CCNY: variants seen among roughly 807,000 people sequenced by gnomAD.
The protein encoded by CCNY is cyclin Y, also known as cyclin-Y.
In CCNY, 19 loss-of-function variants were observed where a neutral mutation model predicts 42.8. The observed-to-expected ratio is 0.44, with a 90% CI of 0.31 to 0.65. CCNY has a LOEUF of 0.65. CCNY is among the 30% of genes least tolerant of loss of function. CCNY has a pLI of 0.07. For missense variants in CCNY, 370 were observed against 437.3 expected (o/e 0.85, Z 1.37); for synonymous variants, 165 against 162.7 (o/e 1.01, Z -0.11).
At chr10:35,438,784 C>G (rs527243239) in intron 1 of CCNY, among the ~76,000 whole-genome samples, 3 of 152,240 alleles carry the variant, frequency 2.0e-5, no homozygotes, top group Non-Finnish European at 4.4e-5. Context: ...CCTGATGTTC[C>G]AAGGTTGATT....
intron 1 of CCNY, among the ~76,000 whole-genome samples, chr10:35,393,321 C>T (rs1837454974): frequency 1.3e-5 from 2 of 152,138 alleles, no homozygotes; most frequent in African/African-American, 4.8e-5. Flanking sequence ...GCTGTCCGGG[C>T]TTTTTGTTGT....
At chr10:35,484,532 G>T (rs2135369035) in intron 2 of CCNY, among the ~76,000 whole-genome samples, 1 of 152,100 alleles carries the variant, frequency 6.6e-6, no homozygotes, top group South Asian at 2.1e-4. Flanking sequence ...TTCAGTTTTT[G>T]CCATTAAAAG....
intron 5 of CCNY, 51 bp from the exon 6 acceptor site, chr10:35,529,922 A>G (rs773626787): frequency 6.8e-7 from 1 of 1,477,020 alleles, no homozygotes; most frequent in Non-Finnish European, 9.4e-7. Context: ...TTTTATTTGA[A>G]TGACATTCTT....
At chr10:35,503,226 A>G (rs534632682) in intron 3 of CCNY, among the ~76,000 whole-genome samples, 9 of 152,338 alleles carry the variant, frequency 5.9e-5, no homozygotes, top group Middle Eastern at 3.4e-3. Flanking sequence ...TCTCATGCAC[A>G]GTATCTTCTA....
intron 1 of CCNY, among the ~76,000 whole-genome samples, chr10:35,355,338 A>C (rs1214226662): frequency 6.6e-6 from 1 of 152,178 alleles, no homozygotes; most frequent in Non-Finnish European, 1.5e-5. Flanking sequence ...AAATGAATTA[A>C]TTTGGGTAAA....
intron 1 of CCNY, among the ~76,000 whole-genome samples, chr10:35,474,815 G>A (rs1185772039): frequency 6.6e-6 from 1 of 152,268 alleles, no homozygotes; most frequent in Non-Finnish European, 1.5e-5. Context: ...TTGACGAGCT[G>A]AGAGAAGAAG....
At chr10:35,431,695 T>C (rs1446116868) in intron 1 of CCNY, among the ~76,000 whole-genome samples, 3 of 152,078 alleles carry the variant, frequency 2.0e-5, no homozygotes, top group Non-Finnish European at 4.4e-5. Context: ...AGTAAAGCCA[T>C]GCTCGTTTTG....
At chr10:35,407,962 C>T (rs113207433) in intron 1 of CCNY, among the ~76,000 whole-genome samples, 10,030 of 152,176 alleles carry the variant, frequency 0.066, 527 homozygotes, top group African/African-American at 0.15. Context: ...TCTGCCTTCC[C>T]GAGTCCGTGA....
chr10:35,432,205 C>G (rs1838428523), intron 1 of CCNY, among the ~76,000 whole-genome samples: 1 of 152,170 alleles, frequency 6.6e-6, no homozygotes, highest in African/African-American at 2.4e-5. Context: ...GGCTCCGTGA[C>G]TTGCTGTTCT....
intron 3 of CCNY, 134 bp from the exon 4 acceptor site, chr10:35,516,389 G>A (rs1227049651): frequency 4.4e-6 from 3 of 682,488 alleles, no homozygotes; most frequent in Non-Finnish European, 7.8e-6. Flanking sequence ...TACTGTTCTT[G>A]GTGGTAATGT....
At chr10:35,453,216 T>A (rs116302330) in intron 1 of CCNY, among the ~76,000 whole-genome samples, 3 of 152,220 alleles carry the variant, frequency 2.0e-5, no homozygotes, top group Non-Finnish European at 4.4e-5. Flanking sequence ...GGATTACAGA[T>A]GTGAGCCATT....
Position 35,529,901 on chromosome 10 carries a change from A to G in CCNY, c.402-72A>G, listed in dbSNP as rs1297537256. On this transcript the variant is annotated intron_variant, in intron 5 of 9. Coordinates refer to ENST00000374704, the MANE Select transcript of CCNY (RefSeq NM_145012.6). ...AAAAAAAAAAAGTCATTGAATTAAA[A>G]TGTATTTTTGTTTTATTTGAATGAC... 2.2e-6 allele frequency: 3 copies of G among 1,360,370 alleles called. No individual in the cohort carries two copies. The East Asian group carries it at 6.9e-5, about 31-fold the overall frequency. 84.3% of individuals were successfully genotyped at this position (1,360,370 alleles called of 1,614,324 possible). A position where few individuals can be genotyped will look rare whatever the true frequency, so the allele number is the denominator to read the frequency against.
intron 3 of CCNY, among the ~76,000 whole-genome samples, chr10:35,325,937 G>A (rs1021824971): frequency 3.3e-5 from 5 of 152,104 alleles, no homozygotes; most frequent in Middle Eastern, 3.4e-3. Flanking sequence ...GCTGGGCATG[G>A]TGGCACATGC....
At chr10:35,451,097 T>C (rs1392012674) in intron 1 of CCNY, among the ~76,000 whole-genome samples, 1 of 152,258 alleles carries the variant, frequency 6.6e-6, no homozygotes, top group Non-Finnish European at 1.5e-5. Context: ...ATTAGTATTT[T>C]TTGAAGAGTG....
At chr10:35,495,729 C>CT (rs1839990870) in intron 2 of CCNY, among the ~76,000 whole-genome samples, 1 of 152,154 alleles carries the variant, frequency 6.6e-6, no homozygotes, top group African/African-American at 2.4e-5. Flanking sequence ...CACCAGGATG[C>CT]TTTGTTCTGG....
chr10:35,553,132 T>C lies in CCNY; in HGVS notation c.693T>C (p.Ala231=). The C allele has an allele frequency of 6.2e-7, 1 of 1,614,192 alleles. No individual in the cohort carries two copies. Among genetic ancestry groups the C allele is most frequent in the South Asian group, 1.1e-5 (1 of 91,086 alleles). The change falls in exon 8 of 10, where the codon GCT becomes GCC. Residue 231 remains alanine, a synonymous_variant. Coordinates refer to ENST00000374704, the MANE Select transcript of CCNY (RefSeq NM_145012.6). ...LLASKVWDDQ[A]VWNVDYCQIL... ...CCTCCAAGGTGTGGGATGACCAGGC[T>C]GTATGGAATGTGGATTACTGCCAGA...
intron 8 of CCNY, among the ~76,000 whole-genome samples, chr10:35,564,807 C>T (rs1263604362): frequency 1.3e-5 from 2 of 152,256 alleles, no homozygotes; most frequent in Non-Finnish European, 2.9e-5. Context: ...CACCTCAGTT[C>T]AGCTCTCACT....
At chr10:35,554,174 TC>T (rs1001984659) in intron 8 of CCNY, among the ~76,000 whole-genome samples, 4 of 152,028 alleles carry the variant, frequency 2.6e-5, no homozygotes, top group Admixed American at 2.6e-4. Flanking sequence ...TGCAGGGGTG[TC>T]CCTGGGCTGC....
intron 3 of CCNY, among the ~76,000 whole-genome samples, chr10:35,272,330 AG>A (rs1010448220): frequency 2.0e-5 from 3 of 151,004 alleles, no homozygotes; most frequent in Non-Finnish European, 2.9e-5. Flanking sequence ...GTACATGTGC[AG>A]GTTTGTTACA....
Sources: gnomAD v4.1 joint callset for allele counts (sites outside exome capture counted in the v4.1 genomes callset) on GRCh38, gnomAD v4.1.1 for gene constraint, MANE v1.5 for transcripts, NCBI Gene and HGNC (gene_info 2026-07-23, HGNC 2026-07-21) for gene names.